The following RAB3GAP2 variants were observed in gnomAD, a reference collection of about 807,000 sequenced individuals.
RAB3GAP2 encodes rab3 GTPase-activating protein non-catalytic subunit.
A neutral mutation model predicts 185.3 loss-of-function variants in RAB3GAP2; 87 were observed. That is an observed-to-expected ratio of 0.47 (90% CI 0.39 to 0.56). The LOEUF is 0.56. RAB3GAP2 is among the 20% of genes least tolerant of loss of function. RAB3GAP2 has a pLI of 0.00. For synonymous variants in RAB3GAP2, 554 were observed against 576.1 expected, an observed-to-expected ratio of 0.96 and a Z score of 0.55; for missense variants, 1,492 against 1,638.2, an observed-to-expected ratio of 0.91 and a Z score of 1.54.
intron 1 of RAB3GAP2, chr1:220,271,196 GCAAT>G (rs1660327377): frequency 6.6e-6 from 1 of 152,164 alleles, no homozygotes; most frequent in African/African-American, 2.4e-5. Flanking sequence ...CACAAAGTAT[GCAAT>G]CATTCACAGA....
At chr1:220,255,581 A>C (rs541083751) in intron 1 of RAB3GAP2, among the ~76,000 whole-genome samples, 73 of 152,354 alleles carry the variant, frequency 4.8e-4, no homozygotes, top group African/African-American at 1.7e-3. Flanking sequence ...TTAGAGAGGA[A>C]GGTAACTGAC....
intron 9 of RAB3GAP2, 139 bp from the exon 10 acceptor site, chr1:220,196,537 T>A (rs969891105): frequency 7.8e-6 from 7 of 899,340 alleles, no homozygotes; most frequent in Admixed American, 2.3e-5. Flanking sequence ...AAAGTCAACA[T>A]CAGAAAATAT....
intron 9 of RAB3GAP2, among the ~76,000 whole-genome samples, chr1:220,198,712 T>C (rs556086121): frequency 6.6e-6 from 1 of 152,352 alleles, no homozygotes; most frequent in African/African-American, 2.4e-5. Context: ...TTACATTTCC[T>C]TGGCTGTGCA....
rs561600060 is a variant in RAB3GAP2, at chr1:220,269,128, G to A, written c.115+3095C>T. Among the ~76,000 whole-genome samples the A allele has an allele frequency of 2.0e-5, 3 of 152,252 alleles. No homozygotes were observed. In the East Asian group the frequency reaches 5.8e-4, roughly 29 times the overall value. The stretch of plus-strand genomic sequence containing the variant: ...TGACTACTTTAGATCTAGATCAGGT[G>A]GTCAGAAAAGGCTGCCCTGAGTTGA... On this transcript the variant is annotated intron_variant, in intron 1 of 34. Coordinates refer to ENST00000358951, the MANE Select transcript of RAB3GAP2 (RefSeq NM_012414.4).
At chr1:220,258,663 T>C (rs1489778572) in intron 1 of RAB3GAP2, among the ~76,000 whole-genome samples, 1 of 152,172 alleles carries the variant, frequency 6.6e-6, no homozygotes, top group Non-Finnish European at 1.5e-5. Flanking sequence ...AGCATTTCCC[T>C]TGAAAACCAG....
intron 1 of RAB3GAP2, among the ~76,000 whole-genome samples, chr1:220,233,446 A>G (rs1659536634): frequency 6.6e-6 from 1 of 152,224 alleles, no homozygotes; most frequent in Non-Finnish European, 1.5e-5. Flanking sequence ...GCAACAAGGA[A>G]TGTAAAAGCC....
intron 1 of RAB3GAP2, among the ~76,000 whole-genome samples, chr1:220,265,351 C>T (rs1660210686): frequency 6.6e-6 from 1 of 151,924 alleles, no homozygotes; most frequent in African/African-American, 2.4e-5. Context: ...GTAAAAGAGG[C>T]AAGAAGGAAA....
At position 220,196,301 on chromosome 1, in the gene RAB3GAP2, C is replaced by T. The variant is rs766462154; in HGVS notation, c.909G>A (p.Gln303=). The change falls in exon 10 of 35, where the codon CAG becomes CAA. Residue 303 remains glutamine (Q), a synonymous_variant. Transcript: ENST00000358951. Reference sequence around the variant, plus strand: ...ATGGATTGGACCCTACAGTGATATACTGAGACATGGCAGGTGGACTATTTT... The same window carrying T: ...ATGGATTGGACCCTACAGTGATATATTGAGACATGGCAGGTGGACTATTTT... ...AIKNSPPAMS[Q]YITVGSNPFT... is the part of the protein sequence containing the mutation. 3.7e-6 allele frequency: 6 copies of T among 1,612,794 alleles called. No homozygotes were observed. The highest frequency in any genetic ancestry group is 5.1e-6 in the Non-Finnish European group (6 of 1,178,976).
chr1:220,191,545 A>C (rs911012345), intron 13 of RAB3GAP2, among the ~76,000 whole-genome samples: 11 of 152,142 alleles, frequency 7.2e-5, no homozygotes, highest in Non-Finnish European at 7.4e-5. Context: ...TTGGCTGGGC[A>C]CAGTGGGTCA....
chr1:220,222,520 G>C (rs1659326670), intron 2 of RAB3GAP2, among the ~76,000 whole-genome samples: 1 of 152,082 alleles, frequency 6.6e-6, no homozygotes, highest in Non-Finnish European at 1.5e-5. Context: ...AATTTGATTT[G>C]AAGGGGCCCA....
At chr1:220,164,598 T>C (rs767432282) in intron 27 of RAB3GAP2, 135 bp downstream of exon 27, 6 of 1,252,730 alleles carry the variant, frequency 4.8e-6, no homozygotes, top group African/African-American at 4.6e-5. Flanking sequence ...CCTCAGCCAA[T>C]ACACAGTAAT....
chr1:220,173,491 A>G (rs1658217657), intron 21 of RAB3GAP2, among the ~76,000 whole-genome samples: 1 of 152,216 alleles, frequency 6.6e-6, no homozygotes, highest in Admixed American at 6.5e-5. Context: ...ACTGACTGTT[A>G]GTTTAAATGA....
At chr1:220,254,770 G>T (rs1660004744) in intron 1 of RAB3GAP2, among the ~76,000 whole-genome samples, 1 of 151,610 alleles carries the variant, frequency 6.6e-6, no homozygotes, top group Non-Finnish European at 1.5e-5. Context: ...GACAACAGAG[G>T]GATATGCTGT....
chr1:220,153,966 A>C lies in RAB3GAP2; in HGVS notation c.3645+2T>G. 1 of 1,613,310 alleles carries C rather than the reference A, an allele frequency of 6.2e-7. No homozygotes were observed. Among genetic ancestry groups the C allele is most frequent in the Non-Finnish European group, 8.5e-7 (1 of 1,179,684 alleles). ...AAACAAAATCCAATAGCTATAATTT[A>C]CCTGTTGTCGTACAGAAATAAAATT... On this transcript the variant is annotated splice_donor_variant, in intron 32 of 34. Transcript: ENST00000358951. LOFTEE classifies it high-confidence loss of function.
chr1:220,230,657 G>A (rs1659481332), intron 2 of RAB3GAP2, among the ~76,000 whole-genome samples: 1 of 152,110 alleles, frequency 6.6e-6, no homozygotes, highest in Non-Finnish European at 1.5e-5. Flanking sequence ...CCCCAACTGG[G>A]TATGACACAA....
At chr1:220,196,440 G>A (rs369795308) in intron 9 of RAB3GAP2, 42 bp from the exon 10 acceptor site, 6 of 1,525,710 alleles carry the variant, frequency 3.9e-6, no homozygotes, top group African/African-American at 2.8e-5. Context: ...CAATGTTATT[G>A]CGGTCATTAC....
Position 220,195,276 on chromosome 1 carries a change from AT to A in RAB3GAP2, c.1040+21del, listed in dbSNP as rs1179666641. ...GCTAGATACAAATGAGATATTTGTTATTTTAATTGTTAAGTAATTACCTGGC... is the reference window on the plus strand; with the variant it reads ...GCTAGATACAAATGAGATATTTGTTATTTAATTGTTAAGTAATTACCTGGC... On this transcript the variant is annotated intron_variant, in intron 11 of 34. Transcript: ENST00000358951. 3 of 1,600,448 alleles carry A rather than the reference AT, an allele frequency of 1.9e-6. No homozygotes were observed. The South Asian group carries it at 3.3e-5, about 18-fold the overall frequency.
intron 4 of RAB3GAP2, among the ~76,000 whole-genome samples, chr1:220,211,979 G>A (rs755566321): frequency 6.6e-6 from 1 of 152,116 alleles, no homozygotes; most frequent in Non-Finnish European, 1.5e-5. Context: ...TCTTTTATCT[G>A]AATTCAAAGT....
At chr1:220,263,219 T>C (rs1378030778) in intron 1 of RAB3GAP2, among the ~76,000 whole-genome samples, 1 of 152,100 alleles carries the variant, frequency 6.6e-6, no homozygotes, top group Admixed American at 6.5e-5. Flanking sequence ...AGATACATGA[T>C]TTGCAAATAT....
Sources: gnomAD v4.1 joint callset for allele counts (sites outside exome capture counted in the v4.1 genomes callset) on GRCh38, gnomAD v4.1.1 for gene constraint, MANE v1.5 for transcripts, NCBI Gene and HGNC (gene_info 2026-07-23, HGNC 2026-07-21) for gene names.